MAP4: variants seen among roughly 807,000 people sequenced by gnomAD.
The protein encoded by MAP4 is microtubule-associated protein 4.
In MAP4, 76 loss-of-function variants were observed where a neutral mutation model predicts 170.2. The observed-to-expected ratio is 0.45, with a 90% CI of 0.37 to 0.54. The LOEUF is 0.54. Among genes scored for constraint, MAP4 ranks in the 20% least tolerant of loss-of-function variants. The pLI, the probability that MAP4 is intolerant of heterozygous loss-of-function variation, is 0.00. For missense variants in MAP4, 2,506 were observed against 2,748.0 expected (o/e 0.91, Z 1.97); for synonymous variants, 909 against 994.5 (o/e 0.91, Z 1.62).
At chr3:47,992,198 G>A (rs987273811) in intron 2 of MAP4, among the ~76,000 whole-genome samples, 1 of 152,040 alleles carries the variant, frequency 6.6e-6, no homozygotes, top group Non-Finnish European at 1.5e-5. Flanking sequence ...CCATCAGTCC[G>A]ATAATGTATA....
At chr3:47,959,773 A>G (rs1054865947) in intron 3 of MAP4, among the ~76,000 whole-genome samples, 8 of 152,030 alleles carry the variant, frequency 5.3e-5, no homozygotes, top group African/African-American at 1.9e-4. Flanking sequence ...AAAAAAAAAA[A>G]AATGTATATA....
At chr3:47,940,442 G>T (rs1410537143) in intron 3 of MAP4, among the ~76,000 whole-genome samples, 2 of 152,158 alleles carry the variant, frequency 1.3e-5, no homozygotes, top group East Asian at 3.9e-4. Flanking sequence ...TAAAACTATG[G>T]AAAATGAAAT....
intron 1 of MAP4, among the ~76,000 whole-genome samples, chr3:48,043,899 G>A (rs959429677): frequency 1.6e-4 from 25 of 152,034 alleles, no homozygotes; most frequent in Non-Finnish European, 3.5e-4. Flanking sequence ...AGTCTAGGGT[G>A]CAGTGGCGCG....
chr3:47,959,447 G>A (rs1299791888), intron 3 of MAP4, among the ~76,000 whole-genome samples: 3 of 149,610 alleles, frequency 2.0e-5, no homozygotes, highest in African/African-American at 7.4e-5. Context: ...GCAAAAGAGC[G>A]ATTTTCAAGG....
intron 2 of MAP4, among the ~76,000 whole-genome samples, chr3:47,992,078 A>C (rs1385969959): frequency 1.3e-5 from 2 of 152,220 alleles, no homozygotes; most frequent in Non-Finnish European, 2.9e-5. Flanking sequence ...TAAAACATTA[A>C]TGAAGTCTAG....
intron 3 of MAP4, among the ~76,000 whole-genome samples, chr3:47,955,226 T>C (rs891236249): frequency 6.6e-6 from 1 of 152,086 alleles, no homozygotes; most frequent in East Asian, 1.9e-4. Context: ...CAAATCAACA[T>C]GGGTCACGGC....
At position 47,916,781 on chromosome 3, in the gene MAP4, G is replaced by C. The variant is rs1232744747; in HGVS notation, c.1046C>G (p.Thr349Arg). 6.2e-7 allele frequency: 1 copy of C among 1,614,062 alleles called. No individual in the cohort carries two copies. The highest frequency in any genetic ancestry group is 1.1e-5 in the South Asian group (1 of 91,080). Residue 349 changes from threonine to arginine, a missense_variant, in exon 7 of 21, where the codon ACA becomes AGA. Physicochemically the swap from Thr to Arg is moderately conservative, Grantham distance 71. Around this residue, in one of 3 missense-constraint regions of MAP4, gnomAD observed 2,008 missense variants for 2,206.0 expected, o/e 0.91. Transcript: ENST00000683076. Reference sequence around the variant, plus strand: ...TGCCCTCTCTGTTTCTTTCAACAGTGTCACATCCTTGGCTGGGGCTACCTC... The same window carrying C: ...TGCCCTCTCTGTTTCTTTCAACAGTCTCACATCCTTGGCTGGGGCTACCTC... Reference protein sequence around the residue: ...ETEVAPAKDVTLLKETERASP... With the variant: ...ETEVAPAKDVRLLKETERASP...
intron 1 of MAP4, among the ~76,000 whole-genome samples, chr3:48,062,588 TAAAA>T (rs752091820): frequency 7.1e-4 from 85 of 119,758 alleles, no homozygotes; most frequent in Non-Finnish European, 8.2e-4. Context: ...GTTTAAAAAA[TAAAA>T]AAATTTAAAA....
At chr3:48,049,828 C>T (rs538024683) in intron 1 of MAP4, among the ~76,000 whole-genome samples, 59 of 151,156 alleles carry the variant, frequency 3.9e-4, no homozygotes, top group African/African-American at 1.4e-3. Context: ...GTCCCAGCTA[C>T]TCGGGAGGCT....
chr3:48,047,554 TAACTTATAAGGAGTCAA>T (rs1320007492), intron 1 of MAP4, among the ~76,000 whole-genome samples: 2 of 152,016 alleles, frequency 1.3e-5, no homozygotes, highest in Non-Finnish European at 2.9e-5. Flanking sequence ...TGGCCCAACA[TAACTTATAAGGAGTCAA>T]AAGACGGCTA....
chr3:47,899,167 C>A (rs973619426), intron 10 of MAP4, among the ~76,000 whole-genome samples: 3 of 152,138 alleles, frequency 2.0e-5, no homozygotes, highest in Non-Finnish European at 4.4e-5. Flanking sequence ...GGTGAGCCTG[C>A]CTAGGTAAAA....
intron 1 of MAP4, among the ~76,000 whole-genome samples, chr3:48,034,178 T>C (rs2100117595): frequency 1.3e-5 from 2 of 152,216 alleles, no homozygotes; most frequent in Admixed American, 1.3e-4. Context: ...AGGCTTATTG[T>C]GTGGTTAGCC....
intron 10 of MAP4, among the ~76,000 whole-genome samples, chr3:47,897,685 T>C (rs1466159447): frequency 6.6e-6 from 1 of 151,998 alleles, no homozygotes; most frequent in African/African-American, 2.4e-5. Flanking sequence ...ATGCCTGTAA[T>C]CTCAGTACTT....
intron 3 of MAP4, among the ~76,000 whole-genome samples, chr3:47,959,281 AC>A (rs1403512780): frequency 1.1e-4 from 16 of 151,546 alleles, no homozygotes; most frequent in Non-Finnish European, 1.6e-4. Context: ...AGCCTGGAGA[AC>A]CCCCGTCTCT....
At chr3:47,919,315 T>C (rs528393078) in intron 5 of MAP4, among the ~76,000 whole-genome samples, 2 of 152,122 alleles carry the variant, frequency 1.3e-5, no homozygotes, top group East Asian at 1.9e-4. Context: ...AAAAGTTTTT[T>C]TTCTTTTTTT....
chr3:48,081,766 T>G (rs1198413217), intron 1 of MAP4, among the ~76,000 whole-genome samples: 1 of 152,166 alleles, frequency 6.6e-6, no homozygotes, highest in African/African-American at 2.4e-5. Context: ...TGAGAGGGCC[T>G]AGAAGCAGTG....
Position 47,909,051 on chromosome 3 carries a change from TTGCTTA to T in MAP4, c.5364_5369del (p.His1788_Lys1789del). 6.2e-7 allele frequency: 1 copy of T among 1,612,796 alleles called. No individual in the cohort carries two copies. The highest frequency in any genetic ancestry group is 8.5e-7 in the Non-Finnish European group (1 of 1,179,366). On this transcript the variant is annotated inframe_deletion, in exon 9 of 21. Coordinates refer to ENST00000683076, the MANE Select transcript of MAP4 (RefSeq NM_001385682.1). Reference sequence around the variant, plus strand: ...GCAGGTTCATACCAGCGGACTTCAGTTGCTTATGTCTCTCTTGTTCCTGGATTGTAG... The same window carrying T: ...GCAGGTTCATACCAGCGGACTTCAGTTGTCTCTCTTGTTCCTGGATTGTAG...
intron 8 of MAP4, among the ~76,000 whole-genome samples, chr3:47,914,215 T>G (rs2100037394): frequency 6.6e-6 from 1 of 152,112 alleles, no homozygotes; most frequent in South Asian, 2.1e-4. Context: ...GATAGAATAG[T>G]GAATAGCTGA....
chr3:47,972,398 G>C (rs1396797120), intron 3 of MAP4, among the ~76,000 whole-genome samples: 3 of 152,180 alleles, frequency 2.0e-5, no homozygotes, highest in East Asian at 1.9e-4. Context: ...TAAATGTAGT[G>C]TTAGAAATTA....
Sources: allele counts gnomAD v4.1 joint callset (sites outside exome capture counted in the v4.1 genomes callset), GRCh38; gene constraint gnomAD v4.1.1; regional missense constraint gnomAD v4.1.1; transcripts MANE v1.5; gene names NCBI Gene and HGNC (gene_info 2026-07-23, HGNC 2026-07-21).